The following HACE1 variants were observed in gnomAD, a reference collection of about 807,000 sequenced individuals.
HACE1 encodes E3 ubiquitin-protein ligase HACE1.
Under a neutral mutation model 118.4 loss-of-function variants are expected in HACE1, and 73 were observed. The observed-to-expected ratio is 0.62, with a 90% CI of 0.51 to 0.75. The LOEUF (loss-of-function observed/expected upper bound fraction) is 0.75. Among genes scored for constraint, HACE1 ranks in the 30% least tolerant of loss-of-function variants. HACE1 has a pLI of 0.00. For missense variants in HACE1, 749 were observed against 1,102.2 expected, an observed-to-expected ratio of 0.68 and a Z score of 4.54; for synonymous variants, 368 against 374.8, an observed-to-expected ratio of 0.98 and a Z score of 0.21.
chr6:104,859,873 C>T lies in HACE1; in HGVS notation c.-231G>A. The T allele has an allele frequency of 4.1e-6, 2 of 489,648 alleles. No homozygotes were observed. The highest frequency in any genetic ancestry group is 3.6e-6 in the Non-Finnish European group (1 of 278,262). The allele number at this position is 489,648 out of a possible 1,614,324, so 30.3% of individuals were successfully genotyped here. A position where few individuals can be genotyped will look rare whatever the true frequency, so the allele number is the denominator to read the frequency against. ...CGCCGCCGCCTCTGCTCGCGCCTTTCCTGCAGCCCCCGCCGCCGCGTCCCT... is the reference window on the plus strand; with the variant it reads ...CGCCGCCGCCTCTGCTCGCGCCTTTTCTGCAGCCCCCGCCGCCGCGTCCCT... On this transcript the variant is annotated 5_prime_UTR_variant, in exon 1 of 24. Transcript: ENST00000262903.
chr6:104,800,966 T>TG (rs1010646594), intron 7 of HACE1, among the ~76,000 whole-genome samples: 9 of 152,032 alleles, frequency 5.9e-5, no homozygotes, highest in Non-Finnish European at 1.3e-4. Flanking sequence ...CTAAAAACCT[T>TG]GAAAAAAGGT....
chr6:104,772,160 T>C (rs1471441053), intron 17 of HACE1, 86 bp from the exon 18 acceptor site: 10 of 757,752 alleles, frequency 1.3e-5, no homozygotes, highest in East Asian at 5.4e-5. Flanking sequence ...CTAATTCACA[T>C]ACAACTTCAG....
chr6:104,751,915 T>G (rs1778086510), intron 19 of HACE1, among the ~76,000 whole-genome samples: 1 of 144,244 alleles, frequency 6.9e-6, no homozygotes, highest in Non-Finnish European at 1.5e-5. Context: ...GGCACTAATC[T>G]GATGCTCTGT....
intron 19 of HACE1, among the ~76,000 whole-genome samples, chr6:104,765,819 T>C (rs1181348655): frequency 3.3e-5 from 5 of 152,234 alleles, no homozygotes; most frequent in Non-Finnish European, 7.3e-5. Context: ...TGTTATTCTA[T>C]TTTTCATTAA....
intron 19 of HACE1, among the ~76,000 whole-genome samples, chr6:104,757,698 G>C (rs770104907): frequency 6.6e-6 from 1 of 152,176 alleles, no homozygotes; most frequent in Non-Finnish European, 1.5e-5. Flanking sequence ...GAATGAGTTT[G>C]ATGAACTGAC....
At chr6:104,735,149 A>C (rs1232734157) in intron 22 of HACE1, among the ~76,000 whole-genome samples, 1 of 152,130 alleles carries the variant, frequency 6.6e-6, no homozygotes, top group African/African-American at 2.4e-5. Flanking sequence ...TCAAGTTATA[A>C]ATTTAAATTA....
chr6:104,773,757 T>C (rs1202406717), intron 17 of HACE1, among the ~76,000 whole-genome samples: 1 of 145,648 alleles, frequency 6.9e-6, no homozygotes, highest in Non-Finnish European at 1.5e-5. Context: ...AAAGAATAGA[T>C]AAGGAGACTT....
At chr6:104,782,761 C>A (rs62419356) in intron 14 of HACE1, among the ~76,000 whole-genome samples, 1 of 151,928 alleles carries the variant, frequency 6.6e-6, no homozygotes, top group Non-Finnish European at 1.5e-5. Flanking sequence ...CAAAAGATCC[C>A]TCTATATAGT....
At chr6:104,780,356 C>T (rs1781600927) in intron 14 of HACE1, 2 of 452,660 alleles carry the variant, frequency 4.4e-6, no homozygotes, top group Admixed American at 4.8e-5. Context: ...AGAGTACCTG[C>T]ATTTCCATAA....
chr6:104,764,553 C>A (rs989925665), intron 19 of HACE1, among the ~76,000 whole-genome samples: 1 of 152,148 alleles, frequency 6.6e-6, no homozygotes, highest in Non-Finnish European at 1.5e-5. Context: ...TATAAACTAA[C>A]ATGATTTCTT....
intron 19 of HACE1, among the ~76,000 whole-genome samples, chr6:104,757,281 C>T (rs1316784007): frequency 6.6e-6 from 1 of 152,140 alleles, no homozygotes; most frequent in Non-Finnish European, 1.5e-5. Flanking sequence ...CCCTGACTCC[C>T]GTGTAGCCTG....
At chr6:104,805,866 CA>C (rs112431776) in intron 7 of HACE1, among the ~76,000 whole-genome samples, 1 of 149,040 alleles carries the variant, frequency 6.7e-6, no homozygotes, top group East Asian at 2.0e-4. Context: ...AATAATAAAA[CA>C]AAAAAAAACA....
rs1781318017 is a variant in HACE1, at chr6:104,777,294, C to T, written c.1590G>A (p.Trp530Ter). ...GTCCTGAATGCAAATGTTCATAGAACCATTCACAGCGATCTTTAAAAGGCT... is the reference window on the plus strand; with the variant it reads ...GTCCTGAATGCAAATGTTCATAGAATCATTCACAGCGATCTTTAAAAGGCT... ...KAQPFKDRCEWFYEHLHSGQP... is the reference protein window; with the variant it reads ...KAQPFKDRCE The change falls in exon 15 of 24, where the codon TGG becomes TGA. Residue 530 changes from tryptophan (W) to a stop codon, truncating the protein, a stop_gained. Transcript: ENST00000262903. LOFTEE classifies it high-confidence loss of function. 1.9e-6 allele frequency: 3 copies of T among 1,611,474 alleles called. No individual in the cohort carries two copies. The highest frequency in any genetic ancestry group is 1.7e-5 in the Admixed American group (1 of 60,010).
At chr6:104,802,074 C>T (rs1770430315) in intron 7 of HACE1, among the ~76,000 whole-genome samples, 1 of 149,702 alleles carries the variant, frequency 6.7e-6, no homozygotes, top group South Asian at 2.1e-4. Context: ...ATCCAGGTCT[C>T]TGATAAAACA....
At chr6:104,830,576 A>G (rs1470672642) in intron 6 of HACE1, among the ~76,000 whole-genome samples, 8 of 152,134 alleles carry the variant, frequency 5.3e-5, no homozygotes, top group Non-Finnish European at 2.9e-5. Context: ...TTAAGGAAAA[A>G]GTGTTTGAAG....
intron 19 of HACE1, among the ~76,000 whole-genome samples, chr6:104,761,528 AC>A (rs1403313580): frequency 6.6e-6 from 1 of 152,238 alleles, no homozygotes; most frequent in East Asian, 1.9e-4. Context: ...CCTTCCTTAT[AC>A]TTTATACAAA....
chr6:104,751,955 C>CAAAAA (rs397935188), intron 19 of HACE1, among the ~76,000 whole-genome samples: 122 of 125,290 alleles, frequency 9.7e-4, no homozygotes, highest in African/African-American at 2.9e-3. Context: ...AAAAACCAAA[C>CAAAAA]AAAAAAAAAA....
intron 6 of HACE1, among the ~76,000 whole-genome samples, chr6:104,826,361 T>G (rs943073042): frequency 6.6e-6 from 1 of 152,214 alleles, no homozygotes; most frequent in Non-Finnish European, 1.5e-5. Flanking sequence ...AGTGACAAGA[T>G]GTAAATAAAC....
At chr6:104,802,866 A>G (rs1262561913) in intron 7 of HACE1, among the ~76,000 whole-genome samples, 2 of 152,226 alleles carry the variant, frequency 1.3e-5, no homozygotes, top group African/African-American at 4.8e-5. Context: ...CTAAGATCAG[A>G]GCAGAACTGA....
Sources: allele counts gnomAD v4.1 joint callset (sites outside exome capture counted in the v4.1 genomes callset), GRCh38; gene constraint gnomAD v4.1.1; transcripts MANE v1.5; gene names NCBI Gene and HGNC (gene_info 2026-07-23, HGNC 2026-07-21).